The following PLA2G4A variants were observed in gnomAD, a reference collection of about 807,000 sequenced individuals.
The protein encoded by PLA2G4A is phospholipase A2 group IVA.
PLA2G4A carries 40 observed loss-of-function variants against 81.9 expected under a neutral mutation model. The ratio of observed to expected loss-of-function variants is 0.49; its 90% CI spans 0.38 to 0.64. The LOEUF (loss-of-function observed/expected upper bound fraction) is 0.64, where lower values mean the gene tolerates loss of function less well. Ranked by LOEUF, PLA2G4A falls within the 30% of genes least tolerant of loss-of-function variation. The probability of loss-of-function intolerance (pLI) is 0.00; values close to 1 mark genes in which losing one functional copy is unlikely to be tolerated. For synonymous variants in PLA2G4A, 302 were observed against 296.9 expected, an observed-to-expected ratio of 1.02 and a Z score of -0.18; for missense variants, 715 against 905.1, an observed-to-expected ratio of 0.79 and a Z score of 2.69.
At chr1:186,943,776 G>C (rs528702000) in intron 10 of PLA2G4A, among the ~76,000 whole-genome samples, 73 of 152,218 alleles carry the variant, frequency 4.8e-4, no homozygotes, top group African/African-American at 1.7e-3. Flanking sequence ...AAGAAAAGGT[G>C]TTGTATTTGG....
At chr1:186,910,078 C>T (rs1654888085) in intron 6 of PLA2G4A, among the ~76,000 whole-genome samples, 1 of 151,786 alleles carries the variant, frequency 6.6e-6, no homozygotes, top group Non-Finnish European at 1.5e-5. Flanking sequence ...TGAAATTAAA[C>T]TTTTTTGTTA....
At chr1:186,862,247 C>A (rs1652838453) in intron 2 of PLA2G4A, among the ~76,000 whole-genome samples, 1 of 56,404 alleles carries the variant, frequency 1.8e-5, no homozygotes, top group Non-Finnish European at 3.3e-5. Context: ...CAGGGTCTCA[C>A]ACTGTCACCC....
intron 1 of PLA2G4A, among the ~76,000 whole-genome samples, chr1:186,848,478 C>T (rs902212917): frequency 1.3e-5 from 2 of 152,104 alleles, no homozygotes; most frequent in East Asian, 1.9e-4. Context: ...TTTAACTCAA[C>T]GAACCCGGCA....
At chr1:186,886,605 A>C (rs968250059) in intron 3 of PLA2G4A, among the ~76,000 whole-genome samples, 1 of 152,212 alleles carries the variant, frequency 6.6e-6, no homozygotes, top group Non-Finnish European at 1.5e-5. Context: ...CTTCTCGTTT[A>C]GTCATTTCTA....
chr1:186,863,787 G>T (rs1394174447), intron 2 of PLA2G4A, among the ~76,000 whole-genome samples: 2 of 148,590 alleles, frequency 1.3e-5, no homozygotes, highest in Non-Finnish European at 3.0e-5. Flanking sequence ...TGGGGACAGA[G>T]TCTCCCTCTT....
intron 7 of PLA2G4A, among the ~76,000 whole-genome samples, chr1:186,912,759 T>TAC (rs982966511): frequency 7.3e-6 from 1 of 136,120 alleles, no homozygotes; most frequent in African/African-American, 3.0e-5. Context: ...TGTATATATA[T>TAC]ACATAAGTAT....
chr1:186,984,479 G>A lies in PLA2G4A; in HGVS notation c.2119-3898G>A, dbSNP rs114264368. Among the ~76,000 whole-genome samples, 876 of 152,178 alleles carry A rather than the reference G, an allele frequency of 5.8e-3. 7 individuals are homozygous for A. The highest frequency in any genetic ancestry group is 0.02 in the African/African-American group (819 of 41,516). On this transcript the variant is annotated intron_variant, in intron 17 of 17. Coordinates refer to ENST00000367466, the MANE Select transcript of PLA2G4A (RefSeq NM_024420.3). Reference sequence around the variant, plus strand: ...ATATGCCAATGATGCAAAGTAATGAGCTTTTTTCTTTCTTAAATAATTCTA... The same window carrying A: ...ATATGCCAATGATGCAAAGTAATGAACTTTTTTCTTTCTTAAATAATTCTA...
intron 13 of PLA2G4A, among the ~76,000 whole-genome samples, chr1:186,952,045 T>G (rs779343758): frequency 6.6e-6 from 1 of 152,108 alleles, no homozygotes; most frequent in Non-Finnish European, 1.5e-5. Flanking sequence ...AATTTAAAAT[T>G]TATATATATT....
chr1:186,888,835 T>C (rs1032050786), intron 3 of PLA2G4A, among the ~76,000 whole-genome samples: 1 of 54,348 alleles, frequency 1.8e-5, no homozygotes, highest in East Asian at 7.0e-4. Flanking sequence ...TTTCTATTAC[T>C]TCTTGGAAAA....
At chr1:186,883,103 A>G (rs1014841567) in intron 3 of PLA2G4A, among the ~76,000 whole-genome samples, 2 of 151,986 alleles carry the variant, frequency 1.3e-5, no homozygotes, top group African/African-American at 4.8e-5. Flanking sequence ...TATTCAAGGT[A>G]TTTTTGAGGC....
intron 6 of PLA2G4A, among the ~76,000 whole-genome samples, chr1:186,909,861 G>T (rs1026034351): frequency 1.3e-5 from 2 of 151,968 alleles, no homozygotes; most frequent in Non-Finnish European, 2.9e-5. Flanking sequence ...AGGCCAAAAG[G>T]AATCTATGTT....
chr1:186,914,269 TG>T (rs939191833), intron 7 of PLA2G4A, among the ~76,000 whole-genome samples: 13 of 11,636 alleles, frequency 1.1e-3, no homozygotes, highest in African/African-American at 3.6e-3. Flanking sequence ...TATATATATA[TG>T]TTTTTTTCTT....
At chr1:186,834,930 A>G (rs1651725279) in intron 1 of PLA2G4A, among the ~76,000 whole-genome samples, 2 of 152,150 alleles carry the variant, frequency 1.3e-5, no homozygotes, top group Non-Finnish European at 2.9e-5. Flanking sequence ...GGACAAAATA[A>G]TTATTATTTT....
chr1:186,852,632 A>C (rs1224194328), intron 1 of PLA2G4A, among the ~76,000 whole-genome samples: 2 of 151,976 alleles, frequency 1.3e-5, no homozygotes, highest in Non-Finnish European at 2.9e-5. Flanking sequence ...AAGGGCTAAG[A>C]GAGAGAGCCC....
intron 2 of PLA2G4A, among the ~76,000 whole-genome samples, chr1:186,859,087 G>A (rs1048473244): frequency 6.6e-6 from 1 of 152,158 alleles, no homozygotes; most frequent in Non-Finnish European, 1.5e-5. Context: ...TAATAGTAAT[G>A]AGCTCTTGGT....
intron 1 of PLA2G4A, among the ~76,000 whole-genome samples, chr1:186,831,006 C>T (rs1223700530): frequency 1.5e-5 from 2 of 137,880 alleles, no homozygotes; most frequent in African/African-American, 5.5e-5. Context: ...TTCTTTCTTT[C>T]TTTCTTTCTT....
At chr1:186,867,856 T>C (rs1425049820) in intron 2 of PLA2G4A, among the ~76,000 whole-genome samples, 2 of 152,130 alleles carry the variant, frequency 1.3e-5, no homozygotes, top group Non-Finnish European at 2.9e-5. Context: ...CTTTATCAAG[T>C]TGATAAAGCT....
intron 2 of PLA2G4A, among the ~76,000 whole-genome samples, chr1:186,861,130 G>A (rs1652781451): frequency 6.6e-6 from 1 of 152,184 alleles, no homozygotes; most frequent in Non-Finnish European, 1.5e-5. Flanking sequence ...GGGGACACTA[G>A]CAGTTTGGGA....
intron 17 of PLA2G4A, among the ~76,000 whole-genome samples, chr1:186,982,280 G>A (rs1219474126): frequency 6.6e-6 from 1 of 152,194 alleles, no homozygotes; most frequent in Non-Finnish European, 1.5e-5. Flanking sequence ...TACAGACAAG[G>A]TCATGGGCGT....
Sources: gnomAD v4.1 joint callset for allele counts (sites outside exome capture counted in the v4.1 genomes callset) on GRCh38, gnomAD v4.1.1 for gene constraint, MANE v1.5 for transcripts, NCBI Gene and HGNC (gene_info 2026-07-23, HGNC 2026-07-21) for gene names.